The following ANO6 variants were observed in gnomAD, a reference collection of about 807,000 sequenced individuals.
ANO6 encodes anoctamin-6.
In ANO6, 106 loss-of-function variants were observed where a neutral mutation model predicts 117.5. The ratio of observed to expected loss-of-function variants is 0.90; its 90% CI spans 0.77 to 1.06. ANO6 has a LOEUF of 1.06. Ranked by LOEUF, ANO6 falls within the 50% of genes least tolerant of loss-of-function variation. ANO6 has a pLI of 0.00. For missense variants in ANO6, 955 were observed against 1,121.1 expected (o/e 0.85, Z 2.12); for synonymous variants, 367 against 385.1 (o/e 0.95, Z 0.55).
In ANO6 at chr12:45,432,048, T is replaced by C; in HGVS notation, c.*2737T>C. On this transcript the variant is annotated 3_prime_UTR_variant, in exon 20 of 20. Coordinates refer to ENST00000320560, the MANE Select transcript of ANO6 (RefSeq NM_001025356.3). ...AGTCTTCCCTTTTTTATTGCATGTG[T>C]GCCTTGAATTTCATAAAACATTAAT... 7.1e-6 allele frequency: 7 copies of C among 985,376 alleles called. No homozygotes were observed. Among genetic ancestry groups the C allele is most frequent in the Non-Finnish European group, 8.4e-6 (7 of 829,880 alleles). 61.0% of individuals were successfully genotyped at this position (985,376 alleles called of 1,614,324 possible). A position where few individuals can be genotyped will look rare whatever the true frequency, so the allele number is the denominator to read the frequency against.
chr12:45,363,430 G>A (rs796602333), intron 8 of ANO6, among the ~76,000 whole-genome samples: 4 of 152,106 alleles, frequency 2.6e-5, no homozygotes, highest in African/African-American at 9.6e-5. Context: ...CGGGCATGGT[G>A]ACATGCGCCT....
At chr12:45,227,916 T>C (rs1280714757) in intron 1 of ANO6, among the ~76,000 whole-genome samples, 1 of 152,192 alleles carries the variant, frequency 6.6e-6, no homozygotes, top group Non-Finnish European at 1.5e-5. Context: ...GTGTGTTTTT[T>C]CCTATCTTGC....
chr12:45,408,985 A>C (rs1450681732), intron 15 of ANO6, among the ~76,000 whole-genome samples: 1 of 152,308 alleles, frequency 6.6e-6, no homozygotes, highest in East Asian at 1.9e-4. Flanking sequence ...ACCAGCTCAC[A>C]TACTCTACCT....
At chr12:45,377,275 C>T (rs949413136) in intron 9 of ANO6, among the ~76,000 whole-genome samples, 4 of 151,870 alleles carry the variant, frequency 2.6e-5, no homozygotes, top group African/African-American at 4.8e-5. Flanking sequence ...TGTAAAAATG[C>T]TCACTAATGA....
intron 1 of ANO6, among the ~76,000 whole-genome samples, chr12:45,251,886 G>T (rs1937636208): frequency 6.6e-6 from 1 of 152,180 alleles, no homozygotes; most frequent in East Asian, 1.9e-4. Flanking sequence ...TCTGCCCTCT[G>T]AGTGAATACT....
At chr12:45,407,482 A>AACCCC (rs1942968383) in intron 15 of ANO6, among the ~76,000 whole-genome samples, 2 of 9,428 alleles carry the variant, frequency 2.1e-4, no homozygotes, top group Non-Finnish European at 4.7e-4. Flanking sequence ...TACCTGAGTC[A>AACCCC]CCCCCCCCCC....
intron 1 of ANO6, among the ~76,000 whole-genome samples, chr12:45,221,629 A>G (rs1256250771): frequency 2.0e-5 from 3 of 152,156 alleles, no homozygotes; most frequent in Non-Finnish European, 2.9e-5. Context: ...TTGGGAAAGG[A>G]GACAGTAGAG....
chr12:45,272,524 C>T (rs1461072213), intron 1 of ANO6, among the ~76,000 whole-genome samples: 4 of 152,104 alleles, frequency 2.6e-5, no homozygotes, highest in African/African-American at 9.7e-5. Flanking sequence ...TGAATATGGC[C>T]TCTCATGTCA....
chr12:45,318,608 C>T (rs1257598843), intron 2 of ANO6, among the ~76,000 whole-genome samples: 2 of 151,830 alleles, frequency 1.3e-5, no homozygotes, highest in African/African-American at 2.4e-5. Flanking sequence ...GCAATGCGGG[C>T]TTTTTTTTGG....
intron 1 of ANO6, among the ~76,000 whole-genome samples, chr12:45,263,523 T>G (rs1314056093): frequency 6.6e-6 from 1 of 152,044 alleles, no homozygotes; most frequent in Non-Finnish European, 1.5e-5. Context: ...AAAATGTCCT[T>G]TTAGGACACT....
rs532192708 is a variant in ANO6 at position 45,263,761 on chromosome 12, G to A, written c.71-38253G>A. Among the ~76,000 whole-genome samples the A allele has an allele frequency of 3.1e-4, 47 of 152,278 alleles. No individual in the cohort carries two copies. In the South Asian group the frequency reaches 9.7e-3, roughly 32 times the overall value. On this transcript the variant is annotated intron_variant, in intron 1 of 19. Transcript: ENST00000320560. ...GGCTGAGGCTGAGGTTATGTGGCAG[G>A]TAACATGCACACCATCCAGGTGTTT... is the stretch of plus-strand genomic sequence containing the variant.
At chr12:45,291,802 A>G (rs1939110234) in intron 1 of ANO6, among the ~76,000 whole-genome samples, 1 of 152,202 alleles carries the variant, frequency 6.6e-6, no homozygotes, top group African/African-American at 2.4e-5. Flanking sequence ...TAATCAAATA[A>G]GAGCACACAA....
At chr12:45,392,208 T>C (rs913702389) in intron 12 of ANO6, among the ~76,000 whole-genome samples, 1 of 152,248 alleles carries the variant, frequency 6.6e-6, no homozygotes, top group Non-Finnish European at 1.5e-5. Flanking sequence ...CTACCATGCC[T>C]GGCTCAGTGG....
At chr12:45,423,179 A>G in intron 19 of ANO6, 117 bp downstream of exon 19, 5 of 794,630 alleles carry the variant, frequency 6.3e-6, no homozygotes, top group Non-Finnish European at 1.1e-5. Context: ...ACTTGCTAAT[A>G]TTTTAGGAAA....
chr12:45,350,929 T>G (rs760716354), intron 7 of ANO6, among the ~76,000 whole-genome samples, 155 bp downstream of exon 7: 1 of 152,148 alleles, frequency 6.6e-6, no homozygotes, highest in Non-Finnish European at 1.5e-5. Context: ...GAGGCTTAAT[T>G]ATGTGGGCAT....
intron 9 of ANO6, among the ~76,000 whole-genome samples, chr12:45,371,713 A>G (rs200665510): frequency 2.6e-5 from 4 of 152,212 alleles, no homozygotes; most frequent in South Asian, 2.1e-4. Context: ...CCATCTGTAC[A>G]TCACCATCAT....
chr12:45,228,257 C>A lies in ANO6; in HGVS notation c.70+11866C>A, dbSNP rs369901941. The A allele has an allele frequency of 9.6e-5, 39 of 405,164 alleles. 1 individual carries two copies. The East Asian group carries it at 1.3e-3, about 14-fold the overall frequency. The allele number at this position is 405,164 out of a possible 1,614,324, so 25.1% of individuals were successfully genotyped here. On this transcript the variant is annotated intron_variant, in intron 1 of 19. Coordinates refer to ENST00000320560, the MANE Select transcript of ANO6 (RefSeq NM_001025356.3). ...TTGATCCTCTTACCTCAACCTCCTG[C>A]GTATCTGGGACCACAGGTATGCACC...
chr12:45,434,788 C>A (rs1314900628), downstream of ANO6, among the ~76,000 whole-genome samples: 1 of 152,190 alleles, frequency 6.6e-6, no homozygotes, highest in Non-Finnish European at 1.5e-5. Context: ...GAGCAGCTCC[C>A]AGGAAATTGT....
At chr12:45,303,445 C>A (rs898643638) in intron 2 of ANO6, among the ~76,000 whole-genome samples, 2 of 152,100 alleles carry the variant, frequency 1.3e-5, no homozygotes, top group Non-Finnish European at 2.9e-5. Flanking sequence ...TTTTTGGCTC[C>A]TTTTGTTGAT....
Sources: allele counts gnomAD v4.1 joint callset (sites outside exome capture counted in the v4.1 genomes callset), GRCh38; gene constraint gnomAD v4.1.1; transcripts MANE v1.5; gene names NCBI Gene and HGNC (gene_info 2026-07-23, HGNC 2026-07-21).